Variants in MAP3K13 observed in about 807,000 individuals in gnomAD.
The protein encoded by MAP3K13 is leucine zipper-bearing kinase.
A neutral mutation model predicts 104.0 loss-of-function variants in MAP3K13; 52 were observed. That is an observed-to-expected ratio of 0.50 (90% CI 0.40 to 0.63). The LOEUF is 0.63. MAP3K13 is among the 20% of genes least tolerant of loss of function. The probability of loss-of-function intolerance (pLI) is 0.00; values close to 1 mark genes in which losing one functional copy is unlikely to be tolerated. For missense variants in MAP3K13, 914 were observed against 1,218.5 expected (o/e 0.75, Z 3.72); for synonymous variants, 394 against 442.2 (o/e 0.89, Z 1.37).
chr3:185,342,743 A>AT (rs1354446650), intron 2 of MAP3K13, among the ~76,000 whole-genome samples: 4 of 152,118 alleles, frequency 2.6e-5, no homozygotes, highest in Non-Finnish European at 5.9e-5. Context: ...AGGTGTATTA[A>AT]TTTTCTCTTA....
chr3:185,426,567 A>G (rs143137566), intron 1 of MAP3K13, among the ~76,000 whole-genome samples: 34 of 152,218 alleles, frequency 2.2e-4, no homozygotes, highest in African/African-American at 7.7e-4. Flanking sequence ...TAAAATCTCA[A>G]ACTCAGCCTG....
At chr3:185,449,616 T>A (rs1715777017) in intron 5 of MAP3K13, among the ~76,000 whole-genome samples, 2 of 152,112 alleles carry the variant, frequency 1.3e-5, no homozygotes, top group South Asian at 4.1e-4. Context: ...AATTCCTAAA[T>A]GTATTTGGTT....
intron 1 of MAP3K13, among the ~76,000 whole-genome samples, chr3:185,409,205 C>T (rs1301292682): frequency 1.3e-5 from 2 of 151,946 alleles, no homozygotes; most frequent in Non-Finnish European, 2.9e-5. Context: ...CCGTCTCTAC[C>T]AAAAATACAA....
chr3:185,428,441 C>T (rs757956223), intron 1 of MAP3K13, 56 bp from the exon 2 acceptor site: 156 of 1,118,232 alleles, frequency 1.4e-4, no homozygotes, highest in Non-Finnish European at 1.7e-4. Context: ...ACAGAAGTGT[C>T]GTAGTGTGCA....
chr3:185,390,818 T>TA (rs77851320), intron 1 of MAP3K13, among the ~76,000 whole-genome samples: 138 of 10,754 alleles, frequency 0.013, no homozygotes, highest in African/African-American at 0.018. Flanking sequence ...GAGATGGGGT[T>TA]TACCATGTTG....
chr3:185,334,332 A>C (rs943830696), intron 2 of MAP3K13, among the ~76,000 whole-genome samples: 16 of 152,230 alleles, frequency 1.1e-4, no homozygotes, highest in African/African-American at 3.9e-4. Context: ...TTTTTGTGAA[A>C]ATACAAAAGA....
chr3:185,353,562 GAGGCAGCTTT>G (rs1723227218), intron 2 of MAP3K13, among the ~76,000 whole-genome samples: 1 of 152,144 alleles, frequency 6.6e-6, no homozygotes, highest in South Asian at 2.1e-4. Context: ...AATACATAAG[GAGGCAGCTTT>G]AGGCTAAACT....
Position 185,480,405 on chromosome 3 carries a change from C to T in MAP3K13, c.2675C>T (p.Thr892Met), listed in dbSNP as rs544421900. Residue 892 changes from threonine (T) to methionine (M), a missense_variant, in exon 13 of 14, where the codon ACG becomes ATG. Physicochemically the swap from Thr to Met is moderately conservative, Grantham distance 81 (BLOSUM62 -1). Coordinates refer to ENST00000265026, the MANE Select transcript of MAP3K13 (RefSeq NM_004721.5). ...AEKLDDLLSQ[T>M]PEIPIDISSH... ...AAGCTAGACGACCTGCTGTCCCAGA[C>T]GCCAGAGATTCCCATTGACATATCC... 7.7e-5 allele frequency: 125 copies of T among 1,614,180 alleles called. No individual in the cohort carries two copies. Among genetic ancestry groups the T allele is most frequent in the African/African-American group, 2.1e-4 (16 of 75,036 alleles).
intron 2 of MAP3K13, among the ~76,000 whole-genome samples, chr3:185,338,327 C>CAAAAAAAAAAAAAAAAA (rs72043151): frequency 1.8e-5 from 1 of 54,726 alleles, no homozygotes; most frequent in Non-Finnish European, 4.0e-5. Context: ...GAGACTCTCT[C>CAAAAAAAAAAAAAAAAA]AAAAAAAAAA....
chr3:185,453,379 T>A (rs766659870), intron 7 of MAP3K13, among the ~76,000 whole-genome samples: 5 of 152,134 alleles, frequency 3.3e-5, no homozygotes, highest in African/African-American at 4.8e-5. Flanking sequence ...TTACTAGCAA[T>A]TGGCATTTCA....
intron 1 of MAP3K13, among the ~76,000 whole-genome samples, chr3:185,380,730 C>A (rs953173449): frequency 7.2e-5 from 11 of 152,116 alleles, no homozygotes; most frequent in African/African-American, 2.7e-4. Context: ...AAATTCTGAT[C>A]GCTTGGCCTG....
At chr3:185,379,102 T>G (rs77944662) in intron 1 of MAP3K13, among the ~76,000 whole-genome samples, 12,085 of 152,140 alleles carry the variant, frequency 0.079, 769 homozygotes, top group East Asian at 0.19. Flanking sequence ...GGCTGCAGCG[T>G]GGGTGAGCAG....
intron 1 of MAP3K13, among the ~76,000 whole-genome samples, chr3:185,389,920 G>T (rs771810600): frequency 3.0e-4 from 46 of 152,066 alleles, no homozygotes; most frequent in Non-Finnish European, 5.7e-4. Context: ...GAGGAGAGTG[G>T]TATTGTGAAA....
rs1420628291 is a variant in MAP3K13 at position 185,483,427 on chromosome 3, T to C, written c.*971T>C. On this transcript the variant is annotated 3_prime_UTR_variant, in exon 14 of 14. Transcript: ENST00000265026. ...TGTAGGAACAAAGGTTGGGGGGCAGTACTGAGGAGGAGAAAAGGGTGAGAG... is the reference window on the plus strand; with the variant it reads ...TGTAGGAACAAAGGTTGGGGGGCAGCACTGAGGAGGAGAAAAGGGTGAGAG... The C allele has an allele frequency of 2.6e-5, 6 of 231,126 alleles. No individual in the cohort carries two copies. The highest frequency in any genetic ancestry group is 2.5e-4 in the East Asian group (4 of 16,304). The allele number at this position is 231,126 out of a possible 1,614,324, so 14.3% of individuals were successfully genotyped here.
At chr3:185,293,516 C>CA (rs1720818579) in intron 2 of MAP3K13, among the ~76,000 whole-genome samples, 1 of 151,994 alleles carries the variant, frequency 6.6e-6, no homozygotes, top group Admixed American at 6.5e-5. Context: ...CTTGACCCAC[C>CA]AGGCTCAAGT....
intron 2 of MAP3K13, among the ~76,000 whole-genome samples, chr3:185,321,270 T>G (rs1721858467): frequency 6.6e-6 from 1 of 152,190 alleles, no homozygotes; most frequent in Non-Finnish European, 1.5e-5. Flanking sequence ...CACACAGATA[T>G]GCACATACCA....
chr3:185,286,377 T>C (rs1720512124), intron 2 of MAP3K13, among the ~76,000 whole-genome samples: 1 of 152,128 alleles, frequency 6.6e-6, no homozygotes, highest in African/African-American at 2.4e-5. Flanking sequence ...GGTTTCTTGT[T>C]TAGAATTTGT....
intron 1 of MAP3K13, among the ~76,000 whole-genome samples, chr3:185,284,294 C>T (rs1011363575): frequency 1.4e-4 from 22 of 152,114 alleles, no homozygotes; most frequent in African/African-American, 3.4e-4. Context: ...TTATAAAAAT[C>T]CAGAGATTAC....
At chr3:185,479,888 G>A (rs1560136930) in intron 12 of MAP3K13, among the ~76,000 whole-genome samples, 1 of 152,080 alleles carries the variant, frequency 6.6e-6, no homozygotes, top group Non-Finnish European at 1.5e-5. Flanking sequence ...AAGGTGGGAG[G>A]GAGGAATGGA....
Sources: allele counts gnomAD v4.1 joint callset (sites outside exome capture counted in the v4.1 genomes callset), GRCh38; gene constraint gnomAD v4.1.1; transcripts MANE v1.5; gene names NCBI Gene and HGNC (gene_info 2026-07-23, HGNC 2026-07-21).